Variants in FBXO25 observed in about 807,000 individuals in gnomAD.
The protein encoded by FBXO25 is F-box protein 25.
Under a neutral mutation model 51.9 loss-of-function variants are expected in FBXO25, and 45 were observed. The ratio of observed to expected loss-of-function variants is 0.87; its 90% CI spans 0.68 to 1.11. FBXO25 has a LOEUF of 1.11. Among genes scored for constraint, FBXO25 ranks in the 50% most tolerant of loss-of-function variants. The pLI is 0.00. For missense variants in FBXO25, 507 were observed against 428.5 expected (o/e 1.18, Z -1.62); for synonymous variants, 199 against 151.0 (o/e 1.32, Z -2.33).
At chr8:429,904 T>A (rs1797715612) in intron 2 of FBXO25, among the ~76,000 whole-genome samples, 2 of 152,224 alleles carry the variant, frequency 1.3e-5, no homozygotes, top group South Asian at 2.1e-4. Flanking sequence ...TAGGCCCAGA[T>A]TCACAGGAGG....
intron 8 of FBXO25, among the ~76,000 whole-genome samples, chr8:460,875 C>G (rs117848039): frequency 3.9e-5 from 6 of 152,150 alleles, no homozygotes; most frequent in Non-Finnish European, 7.3e-5. Flanking sequence ...AACAAGATTT[C>G]CTCATTGACT....
chr8:443,613 G>A (rs1174765112), intron 5 of FBXO25, among the ~76,000 whole-genome samples: 1 of 150,912 alleles, frequency 6.6e-6, no homozygotes, highest in Non-Finnish European at 1.5e-5. Context: ...CTGTAGGAGG[G>A]GCGCTGGTTC....
chr8:464,885 T>C (rs1800052498), intron 9 of FBXO25, among the ~76,000 whole-genome samples: 5 of 152,254 alleles, frequency 3.3e-5, no homozygotes, highest in Admixed American at 2.6e-4. Context: ...AGTTGTGTTA[T>C]GTGTTTTTGC....
At chr8:440,726 A>G (rs1466979974) in intron 5 of FBXO25, among the ~76,000 whole-genome samples, 1 of 151,950 alleles carries the variant, frequency 6.6e-6, no homozygotes, top group Non-Finnish European at 1.5e-5. Context: ...TCCTAATGCT[A>G]TCTGTCCCCT....
chr8:440,634 A>T (rs1365554861), intron 5 of FBXO25, among the ~76,000 whole-genome samples: 1 of 152,012 alleles, frequency 6.6e-6, no homozygotes, highest in Admixed American at 6.6e-5. Flanking sequence ...CATGTGCTCA[A>T]TGTGCAGGTT....
chr8:426,410 A>T (rs1797482464), intron 2 of FBXO25, among the ~76,000 whole-genome samples: 1 of 152,108 alleles, frequency 6.6e-6, no homozygotes, highest in Admixed American at 6.6e-5. Flanking sequence ...GCCACTCACG[A>T]GTCCAGTTTT....
At chr8:437,811 T>G (rs1047733315) in intron 5 of FBXO25, among the ~76,000 whole-genome samples, 1 of 152,090 alleles carries the variant, frequency 6.6e-6, no homozygotes, top group African/African-American at 2.4e-5. Context: ...ATTTTTTTGC[T>G]GTTTTAAATG....
At position 469,085 on chromosome 8, in the gene FBXO25, A is replaced by ATACTT. The variant is rs1257308160; in HGVS notation, c.*284_*288dup. The ATACTT allele has an allele frequency of 1.6e-5, 5 of 310,462 alleles. No homozygotes were observed. Among genetic ancestry groups the ATACTT allele is most frequent in the Non-Finnish European group, 2.9e-5 (5 of 171,566 alleles). The allele number at this position is 310,462 out of a possible 1,614,324, so 19.2% of individuals were successfully genotyped here. On this transcript the variant is annotated 3_prime_UTR_variant, in exon 10 of 10. Coordinates refer to ENST00000350302, the MANE Select transcript of FBXO25 (RefSeq NM_183420.2). Reference sequence around the variant, plus strand: ...CTCTCTCTATATATATAGTTCAAAAATACTTTAGGTGGTCAGCTCCACATT... The same window carrying ATACTT: ...CTCTCTCTATATATATAGTTCAAAAATACTTTACTTTAGGTGGTCAGCTCCACATT...
chr8:417,324 C>T (rs11992554), intron 2 of FBXO25, among the ~76,000 whole-genome samples: 31,527 of 152,198 alleles, frequency 0.21, 3,282 homozygotes, highest in African/African-American at 0.23. Context: ...ACTTCCAAGA[C>T]GCAGGACAGA....
In FBXO25 at chr8:474,494, T is replaced by G. The variant is rs1489678376; in HGVS notation, c.*5690T>G. 1.2e-5 allele frequency: 4 copies of G among 335,492 alleles called. No homozygotes were observed. The highest frequency in any genetic ancestry group is 2.2e-5 in the African/African-American group (1 of 45,654). 20.8% of individuals were successfully genotyped at this position (335,492 alleles called of 1,614,324 possible). Reference sequence around the variant, plus strand: ...TGCCATAAGTGTTTTACACGGTGGCTGCACCATTTTACATTCCCACTGAAG... The same window carrying G: ...TGCCATAAGTGTTTTACACGGTGGCGGCACCATTTTACATTCCCACTGAAG... On this transcript the variant is annotated 3_prime_UTR_variant, in exon 10 of 10. Coordinates refer to ENST00000350302, the MANE Select transcript of FBXO25 (RefSeq NM_183420.2).
rs114564579 is a variant in FBXO25 at position 465,445 on chromosome 8, G to A, written c.987+2295G>A. The stretch of plus-strand genomic sequence containing the variant: ...AATACCATTCATAGAAGGGATAGAA[G>A]GCTTTCAGTTTTGTATGTGGTAGTA... On this transcript the variant is annotated intron_variant, in intron 9 of 9. Transcript: ENST00000350302. Among the ~76,000 whole-genome samples the A allele has an allele frequency of 4.4e-3, 671 of 152,250 alleles. 3 individuals are homozygous for A. The highest frequency in any genetic ancestry group is 0.015 in the African/African-American group (639 of 41,540).
At chr8:449,013 A>G (rs1798907493) in intron 5 of FBXO25, among the ~76,000 whole-genome samples, 1 of 152,254 alleles carries the variant, frequency 6.6e-6, no homozygotes. Flanking sequence ...ATGTCATAAA[A>G]TTAAGACCAA....
chr8:458,608 G>T (rs1043343142), intron 8 of FBXO25, 57 bp downstream of exon 8: 6 of 1,545,716 alleles, frequency 3.9e-6, no homozygotes, highest in Non-Finnish European at 5.3e-6. Flanking sequence ...TCTGCCTGGG[G>T]GCCATACCCT....
chr8:427,667 A>T (rs1321908602), intron 2 of FBXO25, among the ~76,000 whole-genome samples: 1 of 148,836 alleles, frequency 6.7e-6, no homozygotes, highest in Non-Finnish European at 1.5e-5. Flanking sequence ...AGTTGAGTTT[A>T]TGAGTATGTA....
chr8:467,905 T>A, intron 9 of FBXO25: 1 of 1,496,840 alleles, frequency 6.7e-7, no homozygotes, highest in Non-Finnish European at 8.9e-7. Flanking sequence ...GCCACTTTGA[T>A]CAAACACCTC....
intron 5 of FBXO25, among the ~76,000 whole-genome samples, chr8:442,287 A>T (rs937883021): frequency 4.7e-5 from 7 of 148,986 alleles, no homozygotes; most frequent in African/African-American, 1.7e-4. Flanking sequence ...TACTCCAATT[A>T]TTTTTTTTTT....
chr8:469,697 C>T lies in FBXO25; in HGVS notation c.*893C>T, dbSNP rs1273740467. On this transcript the variant is annotated 3_prime_UTR_variant, in exon 10 of 10. Transcript: ENST00000350302. ...TTTTAGAAAATTAGAAAATCAGTCC[C>T]ACCACCCAAAGATTATTGTGCATGC... The T allele has an allele frequency of 6.6e-6, 1 of 152,028 alleles. No individual in the cohort carries two copies. The highest frequency in any genetic ancestry group is 2.4e-5 in the African/African-American group (1 of 41,366). 9.4% of individuals were successfully genotyped at this position (152,028 alleles called of 1,614,324 possible).
At chr8:420,334 C>A (rs4045417) in intron 2 of FBXO25, 2 of 152,210 alleles carry the variant, frequency 1.3e-5, no homozygotes, top group Non-Finnish European at 2.9e-5. Flanking sequence ...TGCTCTCCAA[C>A]CCTGCTACTG....
chr8:429,079 A>G (rs544924395), intron 2 of FBXO25, among the ~76,000 whole-genome samples: 100 of 152,190 alleles, frequency 6.6e-4, no homozygotes, highest in African/African-American at 2.1e-3. Context: ...GTTGGATCAT[A>G]TGGTAATTCT....
Sources: gnomAD v4.1 joint callset for allele counts (sites outside exome capture counted in the v4.1 genomes callset) on GRCh38, gnomAD v4.1.1 for gene constraint, MANE v1.5 for transcripts, NCBI Gene and HGNC (gene_info 2026-07-23, HGNC 2026-07-21) for gene names.